MAK: variants seen among roughly 807,000 people sequenced by gnomAD.
MAK encodes the protein serine/threonine-protein kinase MAK.
MAK carries 65 observed loss-of-function variants against 82.6 expected under a neutral mutation model. The observed-to-expected ratio is 0.79, with a 90% confidence interval of 0.64 to 0.97. The LOEUF (loss-of-function observed/expected upper bound fraction) is 0.97. Ranked by LOEUF, MAK falls within the 50% of genes least tolerant of loss-of-function variation. The probability of loss-of-function intolerance (pLI) is 0.00; values close to 1 mark genes in which losing one functional copy is unlikely to be tolerated. For missense variants in MAK, 703 were observed against 780.2 expected (o/e 0.90, Z 1.18); for synonymous variants, 250 against 274.2 (o/e 0.91, Z 0.87).
intron 11 of MAK, among the ~76,000 whole-genome samples, chr6:10,783,571 G>T (rs1051710073): frequency 6.6e-6 from 1 of 152,090 alleles, no homozygotes; most frequent in African/African-American, 2.4e-5. Flanking sequence ...ACATGTCTAG[G>T]TTTTGCCCAC....
At chr6:10,810,103 AAAAAAAAAAAAAG>A (rs1326660245) in intron 5 of MAK, among the ~76,000 whole-genome samples, 4 of 133,136 alleles carry the variant, frequency 3.0e-5, no homozygotes, top group East Asian at 2.1e-4. Flanking sequence ...GTCTCAAAAA[AAAAAAAAAAAAAG>A]AAAGAAAAGA....
chr6:10,780,184 C>A (rs2127525639), intron 11 of MAK: 2 of 867,016 alleles, frequency 2.3e-6, no homozygotes, highest in Non-Finnish European at 2.8e-6. Flanking sequence ...CCAAACAATT[C>A]TTTGTAATTG....
chr6:10,813,640 C>CT lies in MAK; in HGVS notation c.358+3dup. ...TAGGGAAATTAAACTTAAAAGAAAC[C>CT]TACCATGTTTATGGATAAAAGCCAG... is the stretch of plus-strand genomic sequence containing the variant. On this transcript the variant is annotated splice_donor_region_variant and intron_variant, in intron 5 of 14. Coordinates refer to ENST00000354489, the MANE Select transcript of MAK (RefSeq NM_001242957.3). The CT allele has an allele frequency of 6.5e-7, 1 of 1,545,138 alleles. No individual in the cohort carries two copies. The highest frequency in any genetic ancestry group is 8.9e-7 in the Non-Finnish European group (1 of 1,117,484).
intron 10 of MAK, among the ~76,000 whole-genome samples, chr6:10,790,264 A>G: frequency 6.6e-6 from 1 of 152,164 alleles, no homozygotes; most frequent in East Asian, 1.9e-4. Flanking sequence ...CCAAGCAAAA[A>G]AAGAATTATC....
intron 8 of MAK, chr6:10,798,114 CTTTTTT>C (rs554907132): frequency 1.4e-5 from 2 of 138,302 alleles, no homozygotes; most frequent in African/African-American, 3.0e-5. Flanking sequence ...CAACTCTTCC[CTTTTTT>C]TTTTTTTTTT....
chr6:10,764,758 C>T (rs894935441), intron 14 of MAK, 152 bp from the exon 15 acceptor site: 3 of 810,768 alleles, frequency 3.7e-6, no homozygotes, highest in Non-Finnish European at 6.1e-6. Context: ...AATGTTAAAA[C>T]CAAAAATTCT....
intron 10 of MAK, among the ~76,000 whole-genome samples, chr6:10,790,546 C>A (rs1774985955): frequency 6.6e-6 from 1 of 152,164 alleles, no homozygotes; most frequent in Admixed American, 6.6e-5. Flanking sequence ...TATTAAACTT[C>A]CAGAAAAGGC....
chr6:10,817,077 GA>G (rs533164368), intron 4 of MAK, among the ~76,000 whole-genome samples: 70 of 151,920 alleles, frequency 4.6e-4, no homozygotes, highest in Non-Finnish European at 8.2e-4. Flanking sequence ...TTGAGAAAGG[GA>G]AAAATATGAT....
intron 9 of MAK, 63 bp downstream of exon 9, chr6:10,795,935 G>T: frequency 6.5e-7 from 1 of 1,550,182 alleles, no homozygotes. Flanking sequence ...GAAATGCCTC[G>T]AAAAAAATCT....
At position 10,818,384 on chromosome 6, in the gene MAK, C is replaced by T. The variant is rs374034141; in HGVS notation, c.157-413G>A. 2.5e-3 allele frequency among the ~76,000 whole-genome samples: 388 copies of T among 152,234 alleles called. 2 individuals are homozygous for T. Among genetic ancestry groups the T allele is most frequent in the African/African-American group, 8.7e-3 (361 of 41,548 alleles). On this transcript the variant is annotated intron_variant, in intron 3 of 14. Transcript: ENST00000354489. The stretch of plus-strand genomic sequence containing the variant: ...ATCCCAGCACTTTGGGAGGCTGAGG[C>T]GGGCAGATCACCTGAGGTCAGGAGT...
chr6:10,766,750 A>G (rs1045478833), intron 14 of MAK, among the ~76,000 whole-genome samples: 2 of 152,132 alleles, frequency 1.3e-5, no homozygotes, highest in Non-Finnish European at 2.9e-5. Context: ...GGAAAAGGGA[A>G]CGTGGCATTA....
chr6:10,830,749 T>A lies in MAK; in HGVS notation c.-101A>T. The A allele has an allele frequency of 1.1e-6, 1 of 887,368 alleles. No homozygotes were observed. The highest frequency in any genetic ancestry group is 1.4e-5 in the South Asian group (1 of 72,848). The allele number at this position is 887,368 out of a possible 1,614,324, so 55.0% of individuals were successfully genotyped here. On this transcript the variant is annotated 5_prime_UTR_variant, in exon 2 of 15. Transcript: ENST00000354489. ...TTTTTATTTGCTTTTGTCCTCACAC[T>A]GTTGTTGCTACACTGGTGACAGGTT...
chr6:10,770,632 G>A (rs571115492), intron 13 of MAK, among the ~76,000 whole-genome samples: 23 of 152,280 alleles, frequency 1.5e-4, no homozygotes, highest in African/African-American at 5.5e-4. Flanking sequence ...TCTTCATTCT[G>A]TAAAATGGTT....
chr6:10,814,813 A>G (rs1331995366), intron 4 of MAK, among the ~76,000 whole-genome samples: 6 of 152,224 alleles, frequency 3.9e-5, no homozygotes, highest in Admixed American at 2.6e-4. Context: ...TGGGAGGCCA[A>G]GGTGGGTGGA....
intron 8 of MAK, among the ~76,000 whole-genome samples, chr6:10,801,639 T>C (rs893772223): frequency 2.0e-5 from 3 of 152,240 alleles, no homozygotes; most frequent in Non-Finnish European, 4.4e-5. Context: ...ATTGATTCCT[T>C]GTTGCAACCT....
At chr6:10,794,304 C>T (rs1461339876) in intron 9 of MAK, among the ~76,000 whole-genome samples, 1 of 152,174 alleles carries the variant, frequency 6.6e-6, no homozygotes, top group Non-Finnish European at 1.5e-5. Context: ...GAACAAATAT[C>T]TACTGAGAAT....
chr6:10,797,540 C>G, intron 8 of MAK: 1 of 970,056 alleles, frequency 1.0e-6, no homozygotes, highest in Non-Finnish European at 1.2e-6. Context: ...AGGCTAAAAC[C>G]GAAAAAATAT....
chr6:10,808,342 G>A (rs1281932151), intron 6 of MAK, among the ~76,000 whole-genome samples: 2 of 152,136 alleles, frequency 1.3e-5, no homozygotes, highest in Non-Finnish European at 2.9e-5. Flanking sequence ...CATTCCACTG[G>A]GTGAGTATAC....
At chr6:10,788,669 G>A (rs1774805411) in intron 10 of MAK, among the ~76,000 whole-genome samples, 1 of 152,112 alleles carries the variant, frequency 6.6e-6, no homozygotes, top group South Asian at 2.1e-4. Context: ...CCTGGAGGCA[G>A]AGGTTGCAGT....
Sources: gnomAD v4.1 joint callset for allele counts (sites outside exome capture counted in the v4.1 genomes callset) on GRCh38, gnomAD v4.1.1 for gene constraint, MANE v1.5 for transcripts, NCBI Gene and HGNC (gene_info 2026-07-23, HGNC 2026-07-21) for gene names.